Variants in TVP23C observed in about 807,000 individuals in gnomAD.
TVP23C encodes the protein trans-golgi network vesicle protein 23 homolog C, also known as Golgi apparatus membrane protein TVP23 homolog C.
A neutral mutation model predicts 28.7 loss-of-function variants in TVP23C; 19 were observed. That is an observed-to-expected ratio of 0.66 (90% confidence interval 0.46 to 0.97). The LOEUF is 0.97. Among genes scored for constraint, TVP23C ranks in the 50% least tolerant of loss-of-function variants. The probability of loss-of-function intolerance (pLI) is 0.00; values close to 1 mark genes in which losing one functional copy is unlikely to be tolerated. For synonymous variants in TVP23C, 68 were observed against 81.7 expected (o/e 0.83, Z 0.90); for missense variants, 186 against 241.3 (o/e 0.77, Z 1.52).
intron 1 of TVP23C, among the ~76,000 whole-genome samples, chr17:15,556,624 G>A (rs1984145543): frequency 1.3e-5 from 2 of 152,310 alleles, no homozygotes; most frequent in East Asian, 3.9e-4. Flanking sequence ...CAATTGCTGG[G>A]ATTACAGGCG....
intron 5 of TVP23C, among the ~76,000 whole-genome samples, chr17:15,505,782 G>T (rs762798379): frequency 7.3e-4 from 102 of 140,308 alleles, no homozygotes; most frequent in Admixed American, 1.9e-3. Flanking sequence ...GGCGGGCCCC[G>T]CACTCGGAGC....
chr17:15,503,223 G>A (rs201183359), exon 6 of TVP23C: 727 of 1,513,704 alleles, frequency 4.8e-4, no homozygotes, highest in Admixed American at 6.6e-4. Context: ...GCAATGTGGC[G>A]AGACCGTCTC....
At chr17:15,552,527 CA>C (rs1052930607) in intron 3 of TVP23C, among the ~76,000 whole-genome samples, 1 of 151,726 alleles carries the variant, frequency 6.6e-6, no homozygotes, top group African/African-American at 2.4e-5. Context: ...ACTAAAAATA[CA>C]AAAAAATTAG....
At chr17:15,519,481 T>TAC (rs3031137) in intron 5 of TVP23C, among the ~76,000 whole-genome samples, 15,080 of 142,818 alleles carry the variant, frequency 0.11, 780 homozygotes, top group Non-Finnish European at 0.12. Flanking sequence ...CAAATAAATA[T>TAC]ACACACACAC....
Position 15,540,520 on chromosome 17 carries a change from C to T in TVP23C, c.504G>A (p.Leu168=). The part of the protein sequence containing the change: ...IMGVVLQGAN[L]YGYIRCKVRS... ...GCACCTTACACCTGATGTAACCATA[C>T]AGGTTGGCACCTTGTAGCACCACAC... The change falls in exon 6 of 6, where the codon CTG becomes CTA. Residue 168 remains leucine, a synonymous_variant. Transcript: ENST00000518321. 4 of 1,613,152 alleles carry T rather than the reference C, an allele frequency of 2.5e-6. No individual in the cohort carries two copies. Among genetic ancestry groups the T allele is most frequent in the Non-Finnish European group, 3.4e-6 (4 of 1,179,644 alleles).
chr17:15,519,051 T>C (rs1243649973), intron 5 of TVP23C, among the ~76,000 whole-genome samples: 3 of 152,128 alleles, frequency 2.0e-5, no homozygotes, highest in Non-Finnish European at 4.4e-5. Flanking sequence ...TTGCTTTCCC[T>C]TCACCTACCA....
intron 5 of TVP23C, among the ~76,000 whole-genome samples, chr17:15,542,229 G>T (rs1597533397): frequency 6.6e-6 from 1 of 152,134 alleles, no homozygotes; most frequent in Non-Finnish European, 1.5e-5. Flanking sequence ...TGCAGAAATA[G>T]CCATGACAGC....
downstream of TVP23C, among the ~76,000 whole-genome samples, chr17:15,532,577 C>T (rs1982992402): frequency 6.6e-6 from 1 of 152,170 alleles, no homozygotes; most frequent in Admixed American, 6.5e-5. Flanking sequence ...GGAAAGTCAG[C>T]TTTTTTCTCA....
intron 5 of TVP23C, among the ~76,000 whole-genome samples, chr17:15,503,969 G>A (rs1168815943): frequency 6.6e-6 from 1 of 152,118 alleles, no homozygotes; most frequent in Non-Finnish European, 1.5e-5. Flanking sequence ...CAGGAAGCTA[G>A]GCACAACCCT....
At chr17:15,511,953 G>A (rs1380174810) in intron 5 of TVP23C, among the ~76,000 whole-genome samples, 1 of 152,216 alleles carries the variant, frequency 6.6e-6, no homozygotes, top group African/African-American at 2.4e-5. Flanking sequence ...GGTTTAATTA[G>A]TGGGTATTTA....
intron 1 of TVP23C, among the ~76,000 whole-genome samples, chr17:15,556,059 G>C (rs902107181): frequency 3.3e-5 from 5 of 152,122 alleles, no homozygotes; most frequent in African/African-American, 1.2e-4. Flanking sequence ...TGGGATTACA[G>C]GCGTGTGCCA....
At chr17:15,554,188 G>A (rs1291233516) in intron 2 of TVP23C, among the ~76,000 whole-genome samples, 2 of 150,648 alleles carry the variant, frequency 1.3e-5, no homozygotes, top group Non-Finnish European at 2.9e-5. Flanking sequence ...TTAGCCCTCA[G>A]AAATCACTCA....
chr17:15,540,555 C>T lies in TVP23C; in HGVS notation c.469G>A (p.Val157Ile). Residue 157 changes from valine to isoleucine, a missense_variant, in exon 6 of 6, where the codon GTT (valine) becomes ATT (isoleucine). Transcript: ENST00000518321. ...FSFTVKWLAV[V>I]IMGVVLQGAN... ...CCTTGTAGCACCACACCCATAATAA[C>T]CACCGCCTGGGACAAGGGAAAAAAA... 1 of 1,613,658 alleles carries T rather than the reference C, an allele frequency of 6.2e-7. No homozygotes were observed. Among genetic ancestry groups the T allele is most frequent in the Non-Finnish European group, 8.5e-7 (1 of 1,179,754 alleles).
intron 5 of TVP23C, among the ~76,000 whole-genome samples, chr17:15,519,145 A>G (rs1466470761): frequency 6.6e-6 from 1 of 152,146 alleles, no homozygotes; most frequent in Non-Finnish European, 1.5e-5. Flanking sequence ...ACCCAGTCTC[A>G]GGTGGTTTTT....
At chr17:15,533,561 G>A (rs556088497), downstream of TVP23C, among the ~76,000 whole-genome samples, 5 of 152,282 alleles carry the variant, frequency 3.3e-5, no homozygotes, top group East Asian at 9.7e-4. Context: ...TATAATCTAA[G>A]CTCAAAAAAT....
chr17:15,562,564 A>G (rs1984447090), intron 1 of TVP23C: 1 of 152,106 alleles, frequency 6.6e-6, no homozygotes, highest in Admixed American at 6.5e-5. Context: ...CCTGTAATAC[A>G]GCTGAATTTA....
intron 5 of TVP23C, among the ~76,000 whole-genome samples, chr17:15,503,862 G>A (rs1273667835): frequency 2.0e-5 from 3 of 151,544 alleles, no homozygotes; most frequent in African/African-American, 7.3e-5. Flanking sequence ...AGGATGGTGA[G>A]TTATGGTAGG....
At chr17:15,529,135 T>C (rs1982847146) in intron 5 of TVP23C, among the ~76,000 whole-genome samples, 1 of 152,164 alleles carries the variant, frequency 6.6e-6, no homozygotes, top group Non-Finnish European at 1.5e-5. Flanking sequence ...GATTATCTCA[T>C]TTAGTTATTA....
rs1328538019 is a variant in TVP23C at position 15,507,057 on chromosome 17, C to T, written c.463-3825G>A. Reference sequence around the variant, plus strand: ...TTATTCCAGAGTTTATGTGTCAGGGCGGTGACTTCACATGCCATAATGGCA... The same window carrying T: ...TTATTCCAGAGTTTATGTGTCAGGGTGGTGACTTCACATGCCATAATGGCA... On this transcript the variant is annotated intron_variant, in intron 5 of 5. Coordinates refer to the TVP23C transcript ENST00000225576. 1.8e-5 allele frequency: 23 copies of T among 1,259,524 alleles called. No homozygotes were observed. The East Asian group carries it at 2.1e-4, about 11-fold the overall frequency. 78.0% of individuals were successfully genotyped at this position (1,259,524 alleles called of 1,614,324 possible).
Sources: allele counts gnomAD v4.1 joint callset (sites outside exome capture counted in the v4.1 genomes callset), GRCh38; gene constraint gnomAD v4.1.1; transcripts MANE v1.5; gene names NCBI Gene and HGNC (gene_info 2026-07-23, HGNC 2026-07-21).